The following SGPP2 variants were observed in gnomAD, a reference collection of about 807,000 sequenced individuals.
SGPP2 encodes sphingosine-1-phosphate phosphatase 2, also known as sphingosine 1-phosphate phosphohydrolase 2.
Under a neutral mutation model 33.9 loss-of-function variants are expected in SGPP2, and 30 were observed. The observed-to-expected ratio is 0.89, with a 90% CI of 0.66 to 1.20. The LOEUF (loss-of-function observed/expected upper bound fraction) is 1.20, where lower values mean the gene tolerates loss of function less well. Among genes scored for constraint, SGPP2 ranks in the 50% most tolerant of loss-of-function variants. The probability of loss-of-function intolerance (pLI) is 0.00; values close to 1 mark genes in which losing one functional copy is unlikely to be tolerated. For synonymous variants in SGPP2, 233 were observed against 225.0 expected (o/e 1.04, Z -0.32); for missense variants, 458 against 532.1 (o/e 0.86, Z 1.37).
At chr2:222,452,030 CT>C (rs68005172) in intron 1 of SGPP2, among the ~76,000 whole-genome samples, 4 of 151,008 alleles carry the variant, frequency 2.6e-5, no homozygotes, top group African/African-American at 2.4e-5. Context: ...AATAGATTTT[CT>C]TTTTTTTTCA....
chr2:222,431,253 G>A (rs180926682), intron 1 of SGPP2, among the ~76,000 whole-genome samples: 20 of 151,492 alleles, frequency 1.3e-4, no homozygotes, highest in Non-Finnish European at 1.9e-4. Flanking sequence ...AGTTGTAATC[G>A]CAGCATTTCG....
intron 2 of SGPP2, among the ~76,000 whole-genome samples, chr2:222,482,024 T>A (rs968718751): frequency 1.3e-5 from 2 of 152,224 alleles, no homozygotes; most frequent in East Asian, 3.8e-4. Flanking sequence ...TAATAATTAT[T>A]GGCTTTTGAT....
At chr2:222,495,658 A>G (rs772337915) in intron 2 of SGPP2, among the ~76,000 whole-genome samples, 1 of 151,990 alleles carries the variant, frequency 6.6e-6, no homozygotes, top group African/African-American at 2.4e-5. Context: ...AGGAACCCCC[A>G]CCTTCTCCCT....
At chr2:222,549,468 A>G (rs899356842) in intron 4 of SGPP2, among the ~76,000 whole-genome samples, 1 of 152,220 alleles carries the variant, frequency 6.6e-6, no homozygotes, top group Non-Finnish European at 1.5e-5. Flanking sequence ...CTGTTTGGCT[A>G]AGAATGAAAA....
intron 1 of SGPP2, among the ~76,000 whole-genome samples, chr2:222,456,018 A>G (rs1364234160): frequency 6.6e-6 from 1 of 152,174 alleles, no homozygotes. Flanking sequence ...GTTTGAGGCT[A>G]TGGTGAGCTA....
chr2:222,440,322 C>T (rs1422629266), intron 1 of SGPP2, among the ~76,000 whole-genome samples: 1 of 148,140 alleles, frequency 6.8e-6, no homozygotes, highest in African/African-American at 2.5e-5. Flanking sequence ...TTTATAGCCT[C>T]ATGTTTTGTG....
intron 2 of SGPP2, among the ~76,000 whole-genome samples, chr2:222,494,258 C>T (rs1009927753): frequency 1.3e-5 from 2 of 152,110 alleles, no homozygotes; most frequent in African/African-American, 4.8e-5. Context: ...CCCAGCTGCA[C>T]TGAGCACTGG....
chr2:222,486,981 C>T (rs1355512780), intron 2 of SGPP2, among the ~76,000 whole-genome samples: 1 of 151,892 alleles, frequency 6.6e-6, no homozygotes, highest in East Asian at 1.9e-4. Context: ...GAGAGTAAGT[C>T]ACCTTTTCCT....
chr2:222,442,045 A>T (rs561752599), intron 1 of SGPP2, among the ~76,000 whole-genome samples: 7 of 152,260 alleles, frequency 4.6e-5, no homozygotes, highest in Non-Finnish European at 1.0e-4. Flanking sequence ...CTTAAAATAC[A>T]TAATGTTCTT....
At chr2:222,439,384 T>C (rs1312117912) in intron 1 of SGPP2, among the ~76,000 whole-genome samples, 1 of 151,974 alleles carries the variant, frequency 6.6e-6, no homozygotes, top group Admixed American at 6.5e-5. Flanking sequence ...ATACAAAAAT[T>C]AGACAAATGT....
In SGPP2 at chr2:222,492,326, A is replaced by G. The variant is rs576133950; in HGVS notation, c.378+17600A>G. On this transcript the variant is annotated intron_variant, in intron 2 of 4. Transcript: ENST00000321276. ...CCTAGACATCCAGGCAGTCCCATACATCCTCTAAAATCTAGATGGGTGTTC... is the reference window on the plus strand; with the variant it reads ...CCTAGACATCCAGGCAGTCCCATACGTCCTCTAAAATCTAGATGGGTGTTC... Among the ~76,000 whole-genome samples, 5 of 152,342 alleles carry G rather than the reference A, an allele frequency of 3.3e-5. No individual in the cohort carries two copies. The South Asian group carries it at 8.3e-4, about 25-fold the overall frequency.
In SGPP2 at chr2:222,453,817, T is replaced by C. The variant is rs538016341; in HGVS notation, c.220-20751T>C. Among the ~76,000 whole-genome samples the C allele has an allele frequency of 2.9e-4, 44 of 152,290 alleles. 1 individual carries two copies. The South Asian group carries it at 8.9e-3, about 31-fold the overall frequency. On this transcript the variant is annotated intron_variant, in intron 1 of 4. Coordinates refer to ENST00000321276, the MANE Select transcript of SGPP2 (RefSeq NM_152386.4). ...AGGGAACCAAATGTTATATGCAAAT[T>C]TTTGACTGCACAGGGGTCAGCACCC...
intron 1 of SGPP2, among the ~76,000 whole-genome samples, chr2:222,431,794 C>G (rs1002421335): frequency 2.0e-5 from 3 of 152,316 alleles, no homozygotes; most frequent in Middle Eastern, 6.8e-3. Flanking sequence ...AGATCTCAAG[C>G]TCATTCTCCA....
intron 1 of SGPP2, among the ~76,000 whole-genome samples, chr2:222,440,573 C>T (rs558160854): frequency 6.6e-6 from 1 of 152,158 alleles, no homozygotes; most frequent in African/African-American, 2.4e-5. Context: ...AAACTCCTGA[C>T]CTTGTGATCT....
chr2:222,429,212 G>C (rs1463138872), intron 1 of SGPP2, among the ~76,000 whole-genome samples: 1 of 152,194 alleles, frequency 6.6e-6, no homozygotes, highest in Non-Finnish European at 1.5e-5. Context: ...CCAAGATCCA[G>C]GTTAGAAGAG....
rs150897140 is a variant in SGPP2, at chr2:222,551,535, A to G, written c.649-6812A>G. 1.3e-4 allele frequency among the ~76,000 whole-genome samples: 20 copies of G among 152,336 alleles called. No homozygotes were observed. In the East Asian group the frequency reaches 3.7e-3, roughly 28 times the overall value. ...AGAAACTGTTTGGAATAATTTTATT[A>G]TAAGAAATTTAGAGACTTATATTAG... On this transcript the variant is annotated intron_variant, in intron 4 of 4. Transcript: ENST00000321276.
chr2:222,516,409 T>C (rs1698603780), intron 2 of SGPP2, among the ~76,000 whole-genome samples: 1 of 152,230 alleles, frequency 6.6e-6, no homozygotes, highest in South Asian at 2.1e-4. Flanking sequence ...ATACCACAAT[T>C]TGTGTACTTA....
At chr2:222,512,569 C>T (rs1233377613) in intron 2 of SGPP2, among the ~76,000 whole-genome samples, 1 of 152,132 alleles carries the variant, frequency 6.6e-6, no homozygotes, top group Non-Finnish European at 1.5e-5. Flanking sequence ...AATGACGTGT[C>T]TATCCTTATA....
chr2:222,427,851 C>T (rs1056006267), intron 1 of SGPP2, among the ~76,000 whole-genome samples: 31 of 152,216 alleles, frequency 2.0e-4, no homozygotes, highest in African/African-American at 7.5e-4. Context: ...TTACACCACA[C>T]GCTGCTAGCT....
Sources: allele counts gnomAD v4.1 joint callset (sites outside exome capture counted in the v4.1 genomes callset), GRCh38; gene constraint gnomAD v4.1.1; transcripts MANE v1.5; gene names NCBI Gene and HGNC (gene_info 2026-07-23, HGNC 2026-07-21).